Variants in ZBTB2 observed in about 807,000 individuals in gnomAD.
ZBTB2 encodes the protein zinc finger and BTB domain-containing protein 2.
Under a neutral mutation model 39.5 loss-of-function variants are expected in ZBTB2, and 2 were observed. That is an observed-to-expected ratio of 0.05 (90% CI 0.02 to 0.16). The LOEUF (loss-of-function observed/expected upper bound fraction) is 0.16. Among genes scored for constraint, ZBTB2 ranks in the 10% least tolerant of loss-of-function variants. The pLI, the probability that ZBTB2 is intolerant of heterozygous loss-of-function variation, is 1.00. For missense variants in ZBTB2, 391 were observed against 653.0 expected (o/e 0.60, Z 4.37); for synonymous variants, 251 against 256.6 (o/e 0.98, Z 0.21).
rs142563728 is a variant in ZBTB2 at position 151,366,869 on chromosome 6, G to C, written c.197C>G (p.Thr66Ser). The C allele has an allele frequency of 1.2e-6, 2 of 1,610,930 alleles. No homozygotes were observed. The highest frequency in any genetic ancestry group is 1.7e-6 in the Non-Finnish European group (2 of 1,177,700). Residue 66 changes from threonine (T) to serine (S), a missense_variant, in exon 3 of 3, where the codon ACT (threonine) becomes AGT (serine). Physicochemically the swap from Thr to Ser is moderately conservative, Grantham distance 58. Transcript: ENST00000325144. The surrounding 1 kb of genome is among the most constrained non-coding windows in gnomAD (Gnocchi z 7.1). ...QTSECVRLKPTDIQPDIFSYL... is the reference protein window; with the variant it reads ...QTSECVRLKPSDIQPDIFSYL... Reference sequence around the variant, plus strand: ...GCTGAAGATGTCGGGCTGTATGTCAGTTGGTTTCAAGCGGACACACTCACT... The same window carrying C: ...GCTGAAGATGTCGGGCTGTATGTCACTTGGTTTCAAGCGGACACACTCACT...
intron 2 of ZBTB2, among the ~76,000 whole-genome samples, chr6:151,367,123 ATT>A (rs762359532): frequency 3.5e-5 from 5 of 144,510 alleles, no homozygotes; most frequent in African/African-American, 5.0e-5. Context: ...TAGTAAGTTA[ATT>A]TTTTTTTTTT....
intron 1 of ZBTB2, among the ~76,000 whole-genome samples, chr6:151,386,239 C>T (rs984434730): frequency 7.2e-5 from 11 of 152,090 alleles, no homozygotes; most frequent in East Asian, 1.9e-4. Context: ...TGATTACACA[C>T]GGCAAAATTA....
Position 151,366,408 on chromosome 6 carries a change from T to C in ZBTB2, c.658A>G (p.Thr220Ala), listed in dbSNP as rs1249747915. Residue 220 changes from threonine to alanine, a missense_variant, in exon 3 of 3, where the codon ACC becomes GCC. By Grantham distance (58) the Thr-to-Ala change is moderately conservative. Around this residue, in one of 7 missense-constraint regions of ZBTB2, gnomAD observed 175 missense variants for 198.6 expected, o/e 0.88. Transcript: ENST00000325144. This position sits in a 1 kb window ranked among gnomAD's most constrained non-coding sequence, Gnocchi z 7.1. Reference sequence around the variant, plus strand: ...TCGGAGGAAGATGCTTCCAGATTGGTCTCCTCCCCGGGAGGAGGGGGAGGA... The same window carrying C: ...TCGGAGGAAGATGCTTCCAGATTGGCCTCCTCCCCGGGAGGAGGGGGAGGA... ...PVPPPPPGEE[T>A]NLEASSSDEQ... 1.2e-6 allele frequency: 2 copies of C among 1,613,784 alleles called. No individual in the cohort carries two copies. Among genetic ancestry groups the C allele is most frequent in the East Asian group, 4.5e-5 (2 of 44,848 alleles).
At chr6:151,388,820 T>C (rs1012093960) in intron 1 of ZBTB2, among the ~76,000 whole-genome samples, 14 of 152,258 alleles carry the variant, frequency 9.2e-5, no homozygotes, top group Non-Finnish European at 1.9e-4. Flanking sequence ...GTTTATTCTC[T>C]GCTGCTAGTG....
chr6:151,388,695 T>A (rs1779218269), intron 1 of ZBTB2, among the ~76,000 whole-genome samples: 1 of 152,222 alleles, frequency 6.6e-6, no homozygotes, highest in Non-Finnish European at 1.5e-5. Flanking sequence ...TATTTTATAT[T>A]ATCTTATAAA....
chr6:151,390,350 C>CG (rs5880929), intron 1 of ZBTB2, among the ~76,000 whole-genome samples: 51,985 of 147,406 alleles, frequency 0.35, 10,863 homozygotes, highest in East Asian at 0.68. Context: ...GCCCCGCCCC[C>CG]TCCCTGTCCC....
Position 151,373,454 on chromosome 6 carries a change from A to G in ZBTB2, c.173+11T>C, listed in dbSNP as rs1778830684. The G allele has an allele frequency of 6.2e-7, 1 of 1,614,090 alleles. No individual in the cohort carries two copies. Among genetic ancestry groups the G allele is most frequent in the Non-Finnish European group, 8.5e-7 (1 of 1,179,980 alleles). Reference sequence around the variant, plus strand: ...TACAGTCATTAGGTTATTAGCAACCACTTTAGTTACCTGGTCTGATGGACA... The same window carrying G: ...TACAGTCATTAGGTTATTAGCAACCGCTTTAGTTACCTGGTCTGATGGACA... On this transcript the variant is annotated intron_variant, in intron 2 of 2. Coordinates refer to ENST00000325144, the MANE Select transcript of ZBTB2 (RefSeq NM_020861.3).
intron 1 of ZBTB2, among the ~76,000 whole-genome samples, chr6:151,385,943 T>C (rs1282173806): frequency 6.6e-6 from 1 of 152,196 alleles, no homozygotes; most frequent in Non-Finnish European, 1.5e-5. Flanking sequence ...TAGTCAACCT[T>C]CTTCCATAGT....
At chr6:151,377,609 C>T (rs947198821) in intron 1 of ZBTB2, among the ~76,000 whole-genome samples, 27 of 140,814 alleles carry the variant, frequency 1.9e-4, no homozygotes, top group Non-Finnish European at 3.8e-4. Flanking sequence ...GGTGTGATCT[C>T]GGCACACTGA....
At chr6:151,387,930 C>G (rs1779195777) in intron 1 of ZBTB2, among the ~76,000 whole-genome samples, 1 of 152,102 alleles carries the variant, frequency 6.6e-6, no homozygotes, top group South Asian at 2.1e-4. Context: ...TGTAAAAATA[C>G]TGAATCTTAT....
In ZBTB2 at chr6:151,373,642, T is replaced by TA. The variant is rs1778833571; in HGVS notation, c.-6dup. ...TCCATGGTTGGCCAAATCCATTTTT[T>TA]AAAAAATCTGCAAAGCAAACAATTT... is the stretch of plus-strand genomic sequence containing the variant. On this transcript the variant is annotated 5_prime_UTR_variant, in exon 2 of 3. Coordinates refer to ENST00000325144, the MANE Select transcript of ZBTB2 (RefSeq NM_020861.3). 5 of 1,608,740 alleles carry TA rather than the reference T, an allele frequency of 3.1e-6. No homozygotes were observed. The highest frequency in any genetic ancestry group is 4.2e-6 in the Non-Finnish European group (5 of 1,177,512).
intron 2 of ZBTB2, among the ~76,000 whole-genome samples, chr6:151,371,456 A>G (rs1778787219): frequency 6.6e-6 from 1 of 152,160 alleles, no homozygotes; most frequent in Non-Finnish European, 1.5e-5. Context: ...GTTTTGTTTC[A>G]CTTGACTGGG....
intron 1 of ZBTB2, among the ~76,000 whole-genome samples, chr6:151,380,099 C>T (rs781726808): frequency 2.0e-5 from 3 of 148,458 alleles, no homozygotes; most frequent in Non-Finnish European, 3.0e-5. Context: ...CATAAGCATT[C>T]AAATACAGAG....
At chr6:151,381,918 TAAC>T (rs1779042134) in intron 1 of ZBTB2, among the ~76,000 whole-genome samples, 1 of 152,216 alleles carries the variant, frequency 6.6e-6, no homozygotes, top group South Asian at 2.1e-4. Context: ...ATACCTTGCT[TAAC>T]AACAGAGATA....
intron 1 of ZBTB2, among the ~76,000 whole-genome samples, chr6:151,384,193 T>C (rs1336131511): frequency 6.6e-6 from 1 of 152,218 alleles, no homozygotes; most frequent in African/African-American, 2.4e-5. Flanking sequence ...TAATTCACAA[T>C]AACCCGGAAG....
Position 151,366,478 on chromosome 6 carries a change from G to T in ZBTB2, c.588C>A (p.Asp196Glu). ...QVNRTNMTPS[D>E]PLQTSLSPEL... is the part of the protein sequence containing the mutation. The stretch of plus-strand genomic sequence containing the variant: ...CTGGAGACAGCGAGGTCTGCAGGGG[G>T]TCTGAGGGAGTCATATTTGTCCGAT... Residue 196 changes from aspartate (D) to glutamate (E), a missense_variant, in exon 3 of 3, where the codon GAC becomes GAA. This residue lies in a region of ZBTB2 where 175 missense variants were observed against 198.6 expected (regional missense o/e 0.88). Transcript: ENST00000325144. This position sits in a 1 kb window ranked among gnomAD's most constrained non-coding sequence, Gnocchi z 7.1. 2 of 1,614,092 alleles carry T rather than the reference G, an allele frequency of 1.2e-6. No homozygotes were observed. The highest frequency in any genetic ancestry group is 1.7e-6 in the Non-Finnish European group (2 of 1,180,026).
In ZBTB2 at chr6:151,388,992, G is replaced by GT. The variant is rs151012911; in HGVS notation, c.-13+2427dup. Among the ~76,000 whole-genome samples the GT allele has an allele frequency of 1.5e-3, 221 of 152,244 alleles. 3 individuals carry two copies. The East Asian group carries it at 0.024, about 16-fold the overall frequency. On this transcript the variant is annotated intron_variant, in intron 1 of 2. Transcript: ENST00000325144. ...ACTGTTGACCATCAGTGGCACCGGC[G>GT]TATCACTTCTTGTACTTACGATGGC...
intron 1 of ZBTB2, among the ~76,000 whole-genome samples, chr6:151,381,813 C>T (rs748260793): frequency 2.6e-5 from 4 of 152,204 alleles, no homozygotes; most frequent in Non-Finnish European, 5.9e-5. Context: ...CATTCACAAA[C>T]CTGGTAGGCT....
At chr6:151,380,456 CTG>C (rs1438141925) in intron 1 of ZBTB2, among the ~76,000 whole-genome samples, 1 of 152,240 alleles carries the variant, frequency 6.6e-6, no homozygotes, top group African/African-American at 2.4e-5. Flanking sequence ...TGAGGCTTAA[CTG>C]GCCCAAAATA....
Sources: gnomAD v4.1 joint callset for allele counts (sites outside exome capture counted in the v4.1 genomes callset) on GRCh38, gnomAD v4.1.1 for gene constraint, gnomAD v4.1.1 regional missense constraint, Gnocchi (gnomAD v3.1) non-coding constraint, MANE v1.5 for transcripts, NCBI Gene and HGNC (gene_info 2026-07-23, HGNC 2026-07-21) for gene names.